FRMD4A: variants seen among roughly 807,000 people sequenced by gnomAD.
FRMD4A encodes FERM domain containing 4A.
Under a neutral mutation model 129.1 loss-of-function variants are expected in FRMD4A, and 29 were observed. The observed-to-expected ratio is 0.22, with a 90% confidence interval of 0.17 to 0.31. FRMD4A has a LOEUF of 0.31. Ranked by LOEUF, FRMD4A falls within the 10% of genes least tolerant of loss-of-function variation. The pLI is 1.00. For synonymous variants in FRMD4A, 634 were observed against 571.6 expected (o/e 1.11, Z -1.56); for missense variants, 1,272 against 1,375.8 (o/e 0.92, Z 1.19).
intron 2 of FRMD4A, among the ~76,000 whole-genome samples, chr10:13,936,373 T>C (rs11258729): frequency 0.16 from 24,835 of 152,142 alleles, 2,398 homozygotes; most frequent in Middle Eastern, 0.23. Context: ...TCATCTTGGG[T>C]GGACTGAAAA....
At chr10:14,044,185 G>C (rs997464111) in intron 2 of FRMD4A, among the ~76,000 whole-genome samples, 1 of 152,170 alleles carries the variant, frequency 6.6e-6, no homozygotes, top group Non-Finnish European at 1.5e-5. Flanking sequence ...GTCCAACCCA[G>C]TTGATTCTAC....
intron 2 of FRMD4A, among the ~76,000 whole-genome samples, chr10:13,917,377 C>T (rs1031608086): frequency 2.6e-5 from 4 of 151,160 alleles, no homozygotes; most frequent in Admixed American, 6.6e-5. Flanking sequence ...GCAACCTCCA[C>T]CTCCTGGGTT....
chr10:13,685,323 G>A, intron 15 of FRMD4A: 1 of 984,674 alleles, frequency 1.0e-6, no homozygotes, highest in Non-Finnish European at 1.2e-6. Flanking sequence ...TGGCTCACTG[G>A]CACTCGGTGA....
intron 2 of FRMD4A, among the ~76,000 whole-genome samples, chr10:13,926,604 G>A (rs1043014205): frequency 6.6e-6 from 1 of 152,156 alleles, no homozygotes; most frequent in Non-Finnish European, 1.5e-5. Context: ...ATTTCCTTTT[G>A]GTCCACCAGC....
At chr10:13,930,041 T>C (rs1056967623) in intron 2 of FRMD4A, among the ~76,000 whole-genome samples, 1 of 152,144 alleles carries the variant, frequency 6.6e-6, no homozygotes, top group African/African-American at 2.4e-5. Context: ...GGAGTGAGAA[T>C]TAACAATTTT....
Position 13,931,873 on chromosome 10 carries a change from C to CG in FRMD4A, c.46-72962dup, listed in dbSNP as rs748222305. The stretch of plus-strand genomic sequence containing the variant: ...CTGAGGCAGGAGAATCGCTTGAACC[C>CG]GGGAGGTGGAGGTTGCAATAAGCCA... On this transcript the variant is annotated intron_variant, in intron 2 of 24. Transcript: ENST00000357447. Among the ~76,000 whole-genome samples the CG allele has an allele frequency of 7.2e-5, 11 of 151,898 alleles. No homozygotes were observed. The South Asian group carries it at 2.1e-3, about 29-fold the overall frequency.
intron 15 of FRMD4A, chr10:13,675,567 A>ATTTTT (rs1564581383): frequency 6.5e-6 from 1 of 153,242 alleles, no homozygotes; most frequent in African/African-American, 2.4e-5. Context: ...ACACCCGGCT[A>ATTTTT]ATTTTGTATT....
At chr10:13,711,029 A>T (rs1414242846) in intron 12 of FRMD4A, among the ~76,000 whole-genome samples, 1 of 152,084 alleles carries the variant, frequency 6.6e-6, no homozygotes, top group Non-Finnish European at 1.5e-5. Flanking sequence ...AAACACAAAA[A>T]CAAAAGGGTC....
intron 14 of FRMD4A, among the ~76,000 whole-genome samples, chr10:13,697,013 A>T (rs1277695667): frequency 6.6e-6 from 1 of 152,226 alleles, no homozygotes; most frequent in African/African-American, 2.4e-5. Context: ...CATTAATCAC[A>T]TGAAAAACTT....
At chr10:14,219,129 T>C (rs563331336) in intron 2 of FRMD4A, among the ~76,000 whole-genome samples, 2 of 152,048 alleles carry the variant, frequency 1.3e-5, no homozygotes, top group Non-Finnish European at 2.9e-5. Context: ...GCTCAATTAG[T>C]TTGACAAAGA....
At chr10:13,780,833 T>C (rs1272864150) in intron 6 of FRMD4A, among the ~76,000 whole-genome samples, 1 of 152,158 alleles carries the variant, frequency 6.6e-6, no homozygotes, top group Non-Finnish European at 1.5e-5. Flanking sequence ...ATACCACCTA[T>C]AGGTATATAC....
chr10:14,183,778 C>A (rs1484869860), intron 2 of FRMD4A, among the ~76,000 whole-genome samples: 1 of 152,138 alleles, frequency 6.6e-6, no homozygotes, highest in African/African-American at 2.4e-5. Flanking sequence ...GACACTCATG[C>A]CTGAGGTCAT....
At chr10:14,208,273 T>C (rs996590094) in intron 2 of FRMD4A, among the ~76,000 whole-genome samples, 9 of 152,100 alleles carry the variant, frequency 5.9e-5, no homozygotes, top group African/African-American at 2.2e-4. Flanking sequence ...TTGAAGCTAT[T>C]GTAGGCCAGA....
At chr10:13,778,157 G>A (rs1024226553) in intron 6 of FRMD4A, among the ~76,000 whole-genome samples, 2 of 151,918 alleles carry the variant, frequency 1.3e-5, no homozygotes, top group East Asian at 1.9e-4. Context: ...CATTTACTTC[G>A]CTGCCCAAGG....
chr10:14,188,640 C>G (rs2131918080), intron 2 of FRMD4A, among the ~76,000 whole-genome samples: 2 of 152,352 alleles, frequency 1.3e-5, no homozygotes, highest in Middle Eastern at 3.4e-3. Context: ...CTTTCCTTGG[C>G]TGCGCACAGT....
chr10:14,178,439 A>G (rs1426691752), intron 2 of FRMD4A, among the ~76,000 whole-genome samples: 2 of 152,238 alleles, frequency 1.3e-5, no homozygotes, highest in African/African-American at 2.4e-5. Context: ...ATAAACATTT[A>G]CAAAATGGAG....
intron 2 of FRMD4A, among the ~76,000 whole-genome samples, chr10:14,086,847 A>G (rs1836308277): frequency 6.6e-6 from 1 of 152,176 alleles, no homozygotes; most frequent in African/African-American, 2.4e-5. Context: ...CTCTGCCACT[A>G]ACAGCAGGGA....
intron 2 of FRMD4A, among the ~76,000 whole-genome samples, chr10:14,095,720 G>C (rs1349732429): frequency 6.6e-6 from 1 of 152,174 alleles, no homozygotes; most frequent in Non-Finnish European, 1.5e-5. Flanking sequence ...ACATGTGCTG[G>C]TTTTAGCCCA....
chr10:13,732,734 G>T (rs2090396052), intron 12 of FRMD4A, among the ~76,000 whole-genome samples: 1 of 152,188 alleles, frequency 6.6e-6, no homozygotes, highest in African/African-American at 2.4e-5. Flanking sequence ...AGCCAAGAGG[G>T]AGTGGCATCC....
Sources: gnomAD v4.1 joint callset for allele counts (sites outside exome capture counted in the v4.1 genomes callset) on GRCh38, gnomAD v4.1.1 for gene constraint, MANE v1.5 for transcripts, NCBI Gene and HGNC (gene_info 2026-07-23, HGNC 2026-07-21) for gene names.